OR2J2: variants seen among roughly 807,000 people sequenced by gnomAD.
OR2J2 encodes the protein olfactory receptor 2J2.
OR2J2 carries 13 observed loss-of-function variants against 16.9 expected under a neutral mutation model. The observed-to-expected ratio is 0.77, with a 90% CI of 0.50 to 1.23. OR2J2 has a LOEUF of 1.23. OR2J2 is among the 50% of genes most tolerant of loss of function. OR2J2 has a pLI of 0.00. For synonymous variants in OR2J2, 125 were observed against 141.2 expected (o/e 0.89, Z 0.81); for missense variants, 341 against 379.1 (o/e 0.90, Z 0.84).
In OR2J2 at chr6:29,173,827, T is replaced by C. The variant is rs975690687; in HGVS notation, c.192T>C (p.Leu64=). The change falls in exon 2 of 2, where the codon CTT becomes CTC. Residue 64 remains leucine (L), a synonymous_variant. Coordinates refer to ENST00000641417, the MANE Select transcript of OR2J2 (RefSeq NM_030905.3). ...SHLHTPMYFF[L]SNLSFLDLCY... ...TCCACACACCAATGTACTTCTTCCTTTCAAACCTCTCATTTCTGGATCTCT... is the reference window on the plus strand; with the variant it reads ...TCCACACACCAATGTACTTCTTCCTCTCAAACCTCTCATTTCTGGATCTCT... The C allele has an allele frequency of 6.8e-6, 11 of 1,613,094 alleles. No individual in the cohort carries two copies. The highest frequency in any genetic ancestry group is 9.3e-6 in the Non-Finnish European group (11 of 1,179,828).
chr6:29,174,651 T>C lies in OR2J2; in HGVS notation c.*77T>C, dbSNP rs567019372. On this transcript the variant is annotated 3_prime_UTR_variant, in exon 2 of 2. Coordinates refer to ENST00000641417, the MANE Select transcript of OR2J2 (RefSeq NM_030905.3). ...CTTGAAAGGTGGTTTCCCTGCTTCT[T>C]TGTGATTTATTTTTGTTCTAACAGC... The C allele has an allele frequency of 1.5e-5, 18 of 1,171,380 alleles. No individual in the cohort carries two copies. In the South Asian group the frequency reaches 1.6e-4, roughly 10 times the overall value. 72.6% of individuals were successfully genotyped at this position (1,171,380 alleles called of 1,614,324 possible).
In OR2J2 at chr6:29,173,834, C is replaced by T; in HGVS notation, c.199C>T (p.Leu67Phe). ...HTPMYFFLSN[L>F]SFLDLCYTTS... ...ACCAATGTACTTCTTCCTTTCAAAC[C>T]TCTCATTTCTGGATCTCTGCTACAC... is the stretch of plus-strand genomic sequence containing the variant. Residue 67 changes from leucine to phenylalanine, a missense_variant, in exon 2 of 2, where the codon CTC (leucine) becomes TTC (phenylalanine). By Grantham distance (22) the Leu-to-Phe change is conservative. Transcript: ENST00000641417. The T allele has an allele frequency of 6.2e-7, 1 of 1,612,968 alleles. No homozygotes were observed. Among genetic ancestry groups the T allele is most frequent in the Non-Finnish European group, 8.5e-7 (1 of 1,179,756 alleles).
intron 1 of OR2J2, chr6:29,173,346 T>C: frequency 3.1e-6 from 1 of 321,506 alleles, no homozygotes. Flanking sequence ...TTCATAAATA[T>C]TGTGTTCCTG....
rs759770156 is a variant in OR2J2, at chr6:29,173,705, C to G, written c.70C>G (p.Leu24Val). The change falls in exon 2 of 2, where the codon CTG becomes GTG. Residue 24 changes from leucine (L) to valine (V), a missense_variant. By Grantham distance (32) the Leu-to-Val change is conservative. Transcript: ENST00000641417. ...ILLGFSNWPQ[L>V]EVVLFVVILI... ...ACTTGGATTTTCTAATTGGCCTCAG[C>G]TGGAAGTAGTTCTCTTTGTGGTTAT... 3.9e-5 allele frequency: 63 copies of G among 1,613,652 alleles called. 2 individuals are homozygous for G. The East Asian group carries it at 1.4e-3, about 35-fold the overall frequency.
rs377008762 is a variant in OR2J2 at position 29,174,331 on chromosome 6, C to G, written c.696C>G (p.Thr232=). Residue 232 remains threonine, a synonymous_variant, in exon 2 of 2, where the codon ACC becomes ACG. Coordinates refer to ENST00000641417, the MANE Select transcript of OR2J2 (RefSeq NM_030905.3). ...GGGCTGTACTGAGCATGCAATCAAC[C>G]ACTGGGCTTCAGAAAGTGTTTAGGA... The part of the protein sequence containing the change: ...IARAVLSMQS[T]TGLQKVFRTC... The G allele has an allele frequency of 1.4e-5, 22 of 1,613,688 alleles. No individual in the cohort carries two copies. Among genetic ancestry groups the G allele is most frequent in the Non-Finnish European group, 1.8e-5 (21 of 1,179,924 alleles).
chr6:29,171,262 T>A (rs1765469088), intron 1 of OR2J2, among the ~76,000 whole-genome samples, 157 bp downstream of exon 1: 1 of 152,144 alleles, frequency 6.6e-6, no homozygotes, highest in Non-Finnish European at 1.5e-5. Flanking sequence ...CATTCTATAA[T>A]GTATATATAC....
rs1026569427 is a variant in OR2J2 at position 29,170,950 on chromosome 6, A to G, written c.-173A>G. 6.6e-6 allele frequency: 1 copy of G among 152,100 alleles called. No homozygotes were observed. The highest frequency in any genetic ancestry group is 1.5e-5 in the Non-Finnish European group (1 of 68,014). The allele number at this position is 152,100 out of a possible 1,614,324, so 9.4% of individuals were successfully genotyped here. A position where few individuals can be genotyped will look rare whatever the true frequency, so the allele number is the denominator to read the frequency against. The stretch of plus-strand genomic sequence containing the variant: ...GTTATTTCCAGACTCTGTTCTTCAT[A>G]GTTAGATTTAAAACATTGGCAAAAA... On this transcript the variant is annotated 5_prime_UTR_variant, in exon 1 of 2. The change creates a new upstream start codon in the 5' untranslated region. Coordinates refer to ENST00000641417, the MANE Select transcript of OR2J2 (RefSeq NM_030905.3).
At position 29,174,791 on chromosome 6, in the gene OR2J2, A is replaced by G; in HGVS notation, c.*217A>G. On this transcript the variant is annotated 3_prime_UTR_variant, in exon 2 of 2. Coordinates refer to ENST00000641417, the MANE Select transcript of OR2J2 (RefSeq NM_030905.3). ...TGCCACTTTGTTCTTTTACAATTGTATATTTTATTTCTGTGAAAATTGTGG... is the reference window on the plus strand; with the variant it reads ...TGCCACTTTGTTCTTTTACAATTGTGTATTTTATTTCTGTGAAAATTGTGG... 2.2e-6 allele frequency: 1 copy of G among 461,722 alleles called. No homozygotes were observed. Among genetic ancestry groups the G allele is most frequent in the Non-Finnish European group, 3.8e-6 (1 of 265,066 alleles). The allele number at this position is 461,722 out of a possible 1,614,324, so 28.6% of individuals were successfully genotyped here.
At position 29,174,285 on chromosome 6, in the gene OR2J2, C is replaced by G. The variant is rs1355116036; in HGVS notation, c.650C>G (p.Thr217Ser). 1 of 1,613,908 alleles carries G rather than the reference C, an allele frequency of 6.2e-7. No homozygotes were observed. Among genetic ancestry groups the G allele is most frequent in the South Asian group, 1.1e-5 (1 of 91,076 alleles). The change falls in exon 2 of 2, where the codon ACT becomes AGT. Residue 217 changes from threonine to serine, a missense_variant. By Grantham distance (58) the Thr-to-Ser change is moderately conservative (BLOSUM62 1). Coordinates refer to ENST00000641417, the MANE Select transcript of OR2J2 (RefSeq NM_030905.3). ...FVLIPLILIL[T>S]TYGAIARAVL... ...CTCATACCTCTCATTCTCATTCTCA[C>G]TACCTATGGTGCCATTGCCCGGGCT...
At chr6:29,172,282 T>A (rs1345224001) in intron 1 of OR2J2, among the ~76,000 whole-genome samples, 1 of 152,050 alleles carries the variant, frequency 6.6e-6, no homozygotes, top group Admixed American at 6.6e-5. Flanking sequence ...GGTCTCAAAC[T>A]CCTGACCTCA....
chr6:29,173,324 A>G (rs916899572), intron 1 of OR2J2: 3 of 265,362 alleles, frequency 1.1e-5, no homozygotes, highest in African/African-American at 6.6e-5. Flanking sequence ...TTTTTAAAGT[A>G]AAAAATCATT....
In OR2J2 at chr6:29,173,644, T is replaced by C. The variant is rs781219101; in HGVS notation, c.9T>C (p.Ile3=). Residue 3 remains isoleucine (I), a synonymous_variant, in exon 2 of 2, where the codon ATT becomes ATC. Transcript: ENST00000641417. ...GTATAAGAAAAAGATGAATGATGAT[T>C]AAAAAAAATGCAAGTTCGGAAGACT... MM[I]KKNASSEDFF... is the part of the protein sequence containing the mutation. 1.3e-6 allele frequency: 2 copies of C among 1,596,764 alleles called. No individual in the cohort carries two copies. Among genetic ancestry groups the C allele is most frequent in the Non-Finnish European group, 1.7e-6 (2 of 1,172,520 alleles).
chr6:29,173,719 C>T lies in OR2J2; in HGVS notation c.84C>T (p.Leu28=), dbSNP rs765500589. 21 of 1,613,672 alleles carry T rather than the reference C, an allele frequency of 1.3e-5. No homozygotes were observed. Among genetic ancestry groups the T allele is most frequent in the Non-Finnish European group, 1.7e-5 (20 of 1,179,952 alleles). The change falls in exon 2 of 2, where the codon CTC becomes CTT. Residue 28 remains leucine (L), a synonymous_variant. Coordinates refer to ENST00000641417, the MANE Select transcript of OR2J2 (RefSeq NM_030905.3). ...ATTGGCCTCAGCTGGAAGTAGTTCT[C>T]TTTGTGGTTATCTTGATCTTCTACC... ...FSNWPQLEVV[L]FVVILIFYLM...
Position 29,174,086 on chromosome 6 carries a change from G to A in OR2J2, c.451G>A (p.Val151Ile). ...CCACTTGTTGGTTGCGGCTTCTTGG[G>A]TAATTGGTTTTACTATCTCAGCACT... The part of the protein sequence containing the change: ...FCHLLVAASW[V>I]IGFTISALHS... Residue 151 changes from valine (V) to isoleucine (I), a missense_variant, in exon 2 of 2, where the codon GTA (valine) becomes ATA (isoleucine). Val to Ile is a conservative substitution (Grantham distance 29). Transcript: ENST00000641417. The A allele has an allele frequency of 6.2e-7, 1 of 1,613,362 alleles. No homozygotes were observed. The highest frequency in any genetic ancestry group is 8.5e-7 in the Non-Finnish European group (1 of 1,179,840).
chr6:29,174,333 CT>C lies in OR2J2; in HGVS notation c.699del (p.Leu235PhefsTer55), dbSNP rs1562642157. 1.2e-6 allele frequency: 2 copies of C among 1,613,896 alleles called. No individual in the cohort carries two copies. Among genetic ancestry groups the C allele is most frequent in the Non-Finnish European group, 1.7e-6 (2 of 1,179,950 alleles). On this transcript the variant is annotated frameshift_variant, in exon 2 of 2. Transcript: ENST00000641417. LOFTEE classifies it high-confidence loss of function. ...GCTGTACTGAGCATGCAATCAACCA[CT>C]GGGCTTCAGAAAGTGTTTAGGACAT... ...ARAVLSMQST[T>X]GLQKVFRTCG...
At chr6:29,173,241 G>T in intron 1 of OR2J2, 1 of 166,212 alleles carries the variant, frequency 6.0e-6, no homozygotes, top group Admixed American at 6.2e-5. Context: ...AGTAAGATCA[G>T]TAAGACTGCT....
chr6:29,174,892 C>T lies in OR2J2; in HGVS notation c.*318C>T, dbSNP rs1025012652. Reference sequence around the variant, plus strand: ...TATTTCAAAAATGTTGGGAATATTTCTAACAATGTGCTAAATTATGAACTG... The same window carrying T: ...TATTTCAAAAATGTTGGGAATATTTTTAACAATGTGCTAAATTATGAACTG... On this transcript the variant is annotated 3_prime_UTR_variant, in exon 2 of 2. Coordinates refer to ENST00000641417, the MANE Select transcript of OR2J2 (RefSeq NM_030905.3). The T allele has an allele frequency of 1.9e-5, 5 of 265,550 alleles. 1 individual carries two copies. Among genetic ancestry groups the T allele is most frequent in the African/African-American group, 1.1e-4 (5 of 45,130 alleles). The allele number at this position is 265,550 out of a possible 1,614,324, so 16.4% of individuals were successfully genotyped here. A position where few individuals can be genotyped will look rare whatever the true frequency, so the allele number is the denominator to read the frequency against.
rs770138880 is a variant in OR2J2, at chr6:29,174,410, A to C, written c.775A>C (p.Met259Leu). The C allele has an allele frequency of 6.2e-7, 1 of 1,613,974 alleles. No individual in the cohort carries two copies. The highest frequency in any genetic ancestry group is 8.5e-7 in the Non-Finnish European group (1 of 1,179,992). Residue 259 changes from methionine to leucine, a missense_variant, in exon 2 of 2, where the codon ATG becomes CTG. By Grantham distance (15) the Met-to-Leu change is conservative (BLOSUM62 2). Transcript: ENST00000641417. ...VSLFFIPVMC[M>L]YLQPPSENSP... ...TCTCTTTTTCATTCCAGTCATGTGC[A>C]TGTATCTCCAGCCACCATCAGAAAA...
intron 1 of OR2J2, among the ~76,000 whole-genome samples, chr6:29,173,096 T>G (rs917501566): frequency 3.9e-5 from 6 of 152,128 alleles, no homozygotes; most frequent in Admixed American, 2.0e-4. Flanking sequence ...GTGCATTATT[T>G]TATTTGTCTA....
Sources: allele counts gnomAD v4.1 joint callset (sites outside exome capture counted in the v4.1 genomes callset), GRCh38; gene constraint gnomAD v4.1.1; transcripts MANE v1.5; gene names NCBI Gene and HGNC (gene_info 2026-07-23, HGNC 2026-07-21).